The following CRYM variants were observed in gnomAD, a reference collection of about 807,000 sequenced individuals.
The protein encoded by CRYM is crystallin mu.
Under a neutral mutation model 32.9 loss-of-function variants are expected in CRYM, and 18 were observed. The ratio of observed to expected loss-of-function variants is 0.55; its 90% confidence interval spans 0.38 to 0.81. The LOEUF (loss-of-function observed/expected upper bound fraction) is 0.81. CRYM is among the 30% of genes least tolerant of loss of function. The pLI is 0.00. For missense variants in CRYM, 337 were observed against 393.5 expected (o/e 0.86, Z 1.21); for synonymous variants, 153 against 152.4 (o/e 1.00, Z -0.03).
chr16:21,263,233 C>G (rs2093357859), intron 5 of CRYM, among the ~76,000 whole-genome samples: 1 of 152,052 alleles, frequency 6.6e-6, no homozygotes. Context: ...GAAACCCTGT[C>G]TCTACTGAAA....
chr16:21,282,525 C>T (rs1010345311), upstream of CRYM, among the ~76,000 whole-genome samples: 1 of 152,050 alleles, frequency 6.6e-6, no homozygotes, highest in African/African-American at 2.4e-5. Flanking sequence ...TATTTATTTG[C>T]TTCCATAGTA....
chr16:21,275,145 GA>G (rs1275600406), intron 3 of CRYM, among the ~76,000 whole-genome samples: 1 of 152,176 alleles, frequency 6.6e-6, no homozygotes, highest in African/African-American at 2.4e-5. Context: ...GTGGTACAGG[GA>G]CAAGAAGCCA....
rs151021463 is a variant in CRYM at position 21,298,900 on chromosome 16, T to C, written c.-193+4078A>G. ...ACAAACATGTGTTTTTTCAAACATT[T>C]TTAATCCCAGTTAATTTCATTTGCT... On this transcript the variant is annotated intron_variant, in intron 1 of 9. Coordinates refer to the CRYM transcript ENST00000219599. Among the ~76,000 whole-genome samples the C allele has an allele frequency of 3.2e-4, 49 of 152,362 alleles. 1 individual carries two copies. In the East Asian group the frequency reaches 8.5e-3, roughly 26 times the overall value.
chr16:21,264,788 GGA>G lies in CRYM; in HGVS notation c.674-2632_674-2631del, dbSNP rs1309665081. Among the ~76,000 whole-genome samples the G allele has an allele frequency of 5.3e-5, 8 of 152,224 alleles. No homozygotes were observed. In the South Asian group the frequency reaches 1.0e-3, roughly 20 times the overall value. On this transcript the variant is annotated intron_variant, in intron 5 of 7. Coordinates refer to ENST00000572914, the MANE Select transcript of CRYM (RefSeq NM_001376256.1). ...ATTGTCTGTGGCTGGATGTGAGGAT[GGA>G]GAGTCCATATGGTGGGAAATTTGGG...
In CRYM at chr16:21,261,832, C is replaced by T. The variant is rs1158226616; in HGVS notation, c.795+205G>A. 5.2e-6 allele frequency: 3 copies of T among 582,006 alleles called. No individual in the cohort carries two copies. The African/African-American group carries it at 5.6e-5, about 11-fold the overall frequency. The allele number at this position is 582,006 out of a possible 1,614,324, so 36.1% of individuals were successfully genotyped here. A position where few individuals can be genotyped will look rare whatever the true frequency, so the allele number is the denominator to read the frequency against. ...TCCACTGAGCTTCTCCTTCCAGGAA[C>T]ACACATGTCACCACCCATAATGCCC... On this transcript the variant is annotated intron_variant, in intron 6 of 7. Transcript: ENST00000572914.
At chr16:21,303,049 A>G (rs1960993195) in exon 1 of CRYM, 1 of 152,458 alleles carries the variant, frequency 6.6e-6, no homozygotes, top group East Asian at 1.9e-4. Flanking sequence ...AGTGGCAGAC[A>G]AGAAAGCTTG....
intron 4 of CRYM, 35 bp from the exon 5 acceptor site, chr16:21,267,772 A>T: frequency 6.2e-7 from 1 of 1,612,632 alleles, no homozygotes; most frequent in South Asian, 1.1e-5. Flanking sequence ...TATTGGCGCC[A>T]TTTTTTGGCT....
At chr16:21,260,998 A>T in intron 7 of CRYM, 1 of 555,586 alleles carries the variant, frequency 1.8e-6, no homozygotes, top group Non-Finnish European at 3.2e-6. Context: ...TGGTGAGGAA[A>T]CTGAGGCCTA....
At chr16:21,264,361 A>T (rs1029424909) in intron 5 of CRYM, among the ~76,000 whole-genome samples, 2 of 152,098 alleles carry the variant, frequency 1.3e-5, no homozygotes, top group South Asian at 4.1e-4. Context: ...CGAGTTCTCA[A>T]AGGGTTGTGT....
chr16:21,261,963 G>A (rs1339371731), intron 6 of CRYM, 74 bp downstream of exon 6: 5 of 1,600,352 alleles, frequency 3.1e-6, no homozygotes, highest in Non-Finnish European at 4.3e-6. Context: ...AACTGGAAGG[G>A]AAGTTAATGA....
intron 1 of CRYM, among the ~76,000 whole-genome samples, chr16:21,294,626 G>A (rs1960747191): frequency 6.6e-6 from 1 of 150,892 alleles, no homozygotes; most frequent in East Asian, 1.9e-4. Flanking sequence ...TCCTGTGTTA[G>A]TTTGCTGAGA....
intron 1 of CRYM, among the ~76,000 whole-genome samples, chr16:21,295,944 AAG>A (rs1295256008): frequency 1.3e-5 from 2 of 152,192 alleles, no homozygotes; most frequent in African/African-American, 2.4e-5. Context: ...AAAAAAAAAA[AAG>A]AAAGTTATTT....
At chr16:21,275,421 C>T in intron 3 of CRYM, 111 bp downstream of exon 3, 1 of 896,082 alleles carries the variant, frequency 1.1e-6, no homozygotes, top group Non-Finnish European at 1.8e-6. Context: ...CCAGCTATGT[C>T]CAACAGGAAA....
rs1224459323 is a variant in CRYM at position 21,277,387 on chromosome 16, G to A, written c.324+44C>T. On this transcript the variant is annotated intron_variant, in intron 2 of 7. Coordinates refer to ENST00000572914, the MANE Select transcript of CRYM (RefSeq NM_001376256.1). This position sits in a 1 kb window ranked among gnomAD's most constrained non-coding sequence, Gnocchi z 4.2. ...AGAACTTACTTTTGAGCTTCAATCT[G>A]GGCCCAGGGGCCCCATTCCACCCCG... is the stretch of plus-strand genomic sequence containing the variant. The A allele has an allele frequency of 6.2e-7, 1 of 1,606,010 alleles. No individual in the cohort carries two copies. Among genetic ancestry groups the A allele is most frequent in the Non-Finnish European group, 8.5e-7 (1 of 1,178,082 alleles).
At chr16:21,293,002 G>A (rs1334969967) in intron 1 of CRYM, among the ~76,000 whole-genome samples, 1 of 150,986 alleles carries the variant, frequency 6.6e-6, no homozygotes, top group Non-Finnish European at 1.5e-5. Context: ...ATGGATGAAT[G>A]AATAGATGGA....
Position 21,261,353 on chromosome 16 carries a change from T to C in CRYM, c.796-15A>G, listed in dbSNP as rs781580563. On this transcript the variant is annotated splice_polypyrimidine_tract_variant and intron_variant, in intron 6 of 7. Transcript: ENST00000572914. Reference sequence around the variant, plus strand: ...AAGATCTCGGCCTAGGAAACAAACATACGCTGACCCAGGCATGAAGCTAAA... The same window carrying C: ...AAGATCTCGGCCTAGGAAACAAACACACGCTGACCCAGGCATGAAGCTAAA... 3 of 1,609,222 alleles carry C rather than the reference T, an allele frequency of 1.9e-6. No individual in the cohort carries two copies. Among genetic ancestry groups the C allele is most frequent in the Non-Finnish European group, 2.5e-6 (3 of 1,176,728 alleles).
At chr16:21,274,802 C>T (rs2093382781) in intron 3 of CRYM, among the ~76,000 whole-genome samples, 1 of 152,154 alleles carries the variant, frequency 6.6e-6, no homozygotes, top group Admixed American at 6.5e-5. Flanking sequence ...GACGAGGTTT[C>T]ACCATGTTGA....
chr16:21,298,726 T>C (rs1182172877), intron 1 of CRYM, among the ~76,000 whole-genome samples: 1 of 152,230 alleles, frequency 6.6e-6, no homozygotes, highest in Non-Finnish European at 1.5e-5. Flanking sequence ...GTATGGGTTA[T>C]TATTACTTGA....
intron 1 of CRYM, chr16:21,301,348 C>G (rs1188911478): frequency 6.7e-6 from 1 of 150,018 alleles, no homozygotes; most frequent in Non-Finnish European, 1.5e-5. Flanking sequence ...GGGGCCCTTT[C>G]AGGGACTTGG....
Sources: gnomAD v4.1 joint callset for allele counts (sites outside exome capture counted in the v4.1 genomes callset) on GRCh38, gnomAD v4.1.1 for gene constraint, Gnocchi (gnomAD v3.1) non-coding constraint, MANE v1.5 for transcripts, NCBI Gene and HGNC (gene_info 2026-07-23, HGNC 2026-07-21) for gene names.